Variants in SAMTOR observed in about 807,000 individuals in gnomAD.
SAMTOR encodes the protein S-adenosylmethionine sensor upstream of mTORC1, also known as UPF0532 protein C7orf60.
the SAMTOR span, among the ~76,000 whole-genome samples, chr7:112,848,973 C>T: frequency 4.0e-5 from 6 of 151,118 alleles, no homozygotes; most frequent in Admixed American, 1.3e-4. Flanking sequence ...TGCTTTAACC[C>T]GGGAGGCAGA....
chr7:112,935,771 A>G, the SAMTOR span, among the ~76,000 whole-genome samples: 1 of 152,218 alleles, frequency 6.6e-6, no homozygotes, highest in African/African-American at 2.4e-5. Context: ...TACTCCTGAC[A>G]ACTGCAGCCT....
At chr7:112,835,835 A>G in the SAMTOR span, among the ~76,000 whole-genome samples, 1 of 152,112 alleles carries the variant, frequency 6.6e-6, no homozygotes, top group Admixed American at 6.6e-5. Flanking sequence ...TTATGGCTGC[A>G]TAGTATTCTA....
the SAMTOR span, among the ~76,000 whole-genome samples, chr7:112,904,618 G>A: frequency 0.011 from 1,619 of 152,162 alleles, 29 homozygotes; most frequent in African/African-American, 0.037. Context: ...TGGAACTCAA[G>A]GGATTAGAAA....
the SAMTOR span, chr7:112,820,831 C>A: frequency 2.4e-4 from 36 of 151,942 alleles, no homozygotes; most frequent in Non-Finnish European, 5.3e-4. Flanking sequence ...ACCTCCTTAA[C>A]GGAAAGGTGA....
chr7:112,904,289 T>G, the SAMTOR span, among the ~76,000 whole-genome samples: 5 of 152,096 alleles, frequency 3.3e-5, no homozygotes, highest in Admixed American at 3.3e-4. Flanking sequence ...TATATGTGTA[T>G]TAAGTCATGA....
the SAMTOR span, among the ~76,000 whole-genome samples, chr7:112,833,039 G>A: frequency 6.6e-6 from 1 of 152,172 alleles, no homozygotes. Flanking sequence ...AGCTCCCAAA[G>A]TATTGGGATT....
the SAMTOR span, among the ~76,000 whole-genome samples, chr7:112,866,925 C>T: frequency 2.0e-5 from 3 of 152,164 alleles, no homozygotes; most frequent in Non-Finnish European, 2.9e-5. Context: ...TATACTTTCT[C>T]AAAAGAATGC....
chr7:112,849,088 T>G, the SAMTOR span, among the ~76,000 whole-genome samples: 1 of 151,762 alleles, frequency 6.6e-6, no homozygotes, highest in African/African-American at 2.4e-5. Flanking sequence ...TTAGTACTAC[T>G]TTTTTCCCCT....
the SAMTOR span, among the ~76,000 whole-genome samples, chr7:112,914,794 T>G: frequency 6.6e-6 from 1 of 152,168 alleles, no homozygotes; most frequent in Non-Finnish European, 1.5e-5. Context: ...AAAACAAGTG[T>G]GTCAAAAGCA....
chr7:112,917,457 T>C, the SAMTOR span, among the ~76,000 whole-genome samples: 3 of 151,980 alleles, frequency 2.0e-5, no homozygotes, highest in Non-Finnish European at 4.4e-5. Flanking sequence ...TACATCACCA[T>C]CATCACAGAC....
chr7:112,937,443 A>T, the SAMTOR span, among the ~76,000 whole-genome samples: 1 of 152,192 alleles, frequency 6.6e-6, no homozygotes, highest in African/African-American at 2.4e-5. Context: ...CTTGTAAAAT[A>T]TGTTTACAGA....
At chr7:112,891,135 CA>C in the SAMTOR span, among the ~76,000 whole-genome samples, 4 of 152,086 alleles carry the variant, frequency 2.6e-5, no homozygotes, top group African/African-American at 9.7e-5. Context: ...ATTTTCCATA[CA>C]TATCTGTGTT....
chr7:112,886,788 C>T, the SAMTOR span, among the ~76,000 whole-genome samples: 3 of 152,222 alleles, frequency 2.0e-5, no homozygotes, highest in Non-Finnish European at 4.4e-5. Flanking sequence ...TGCCCCCACA[C>T]AGAGGCAAAG....
chr7:112,863,876 A>G, the SAMTOR span, among the ~76,000 whole-genome samples: 1 of 152,172 alleles, frequency 6.6e-6, no homozygotes, highest in African/African-American at 2.4e-5. Context: ...AACAAAAGAA[A>G]TAACTTTCCA....
At chr7:112,861,544 A>C in the SAMTOR span, among the ~76,000 whole-genome samples, 1 of 152,226 alleles carries the variant, frequency 6.6e-6, no homozygotes, top group Admixed American at 6.5e-5. Flanking sequence ...TGGCTTCTAC[A>C]ATAAATATGG....
chr7:112,822,459 T>C, the SAMTOR span: 2 of 1,103,884 alleles, frequency 1.8e-6, no homozygotes, highest in East Asian at 2.4e-5. Context: ...CCATTTCACA[T>C]ATCATAGTAA....
At chr7:112,882,681 C>G in the SAMTOR span, among the ~76,000 whole-genome samples, 16 of 151,194 alleles carry the variant, frequency 1.1e-4, no homozygotes, top group Non-Finnish European at 1.8e-4. Context: ...GAGCAAGACT[C>G]TGTCTTGAAA....
chr7:112,877,769 TCTTGTGAGAC>T, the SAMTOR span, among the ~76,000 whole-genome samples: 100 of 151,208 alleles, frequency 6.6e-4, 2 homozygotes, highest in East Asian at 0.012. Flanking sequence ...AACAGTGAGT[TCTTGTGAGAC>T]CTTGTGAGAC....
the SAMTOR span, among the ~76,000 whole-genome samples, chr7:112,827,136 A>G: frequency 1.3e-5 from 2 of 152,050 alleles, no homozygotes; most frequent in African/African-American, 4.8e-5. Flanking sequence ...TCTTTTCTCC[A>G]TCTTATTGCT....
Sources: allele counts gnomAD v4.1 joint callset (sites outside exome capture counted in the v4.1 genomes callset), GRCh38; gene constraint gnomAD v4.1.1; transcripts MANE v1.5; gene names NCBI Gene and HGNC (gene_info 2026-07-23, HGNC 2026-07-21).